GALNTL6: variants seen among roughly 807,000 people sequenced by gnomAD.
GALNTL6 encodes polypeptide N-acetylgalactosaminyltransferase-like 6.
Under a neutral mutation model 73.7 loss-of-function variants are expected in GALNTL6, and 46 were observed. The ratio of observed to expected loss-of-function variants is 0.62; its 90% CI spans 0.49 to 0.80. The LOEUF is 0.80. Ranked by LOEUF, GALNTL6 falls within the 30% of genes least tolerant of loss-of-function variation. The pLI is 0.00. For missense variants in GALNTL6, 604 were observed against 755.0 expected (o/e 0.80, Z 2.34); for synonymous variants, 259 against 263.7 (o/e 0.98, Z 0.17).
intron 2 of GALNTL6, among the ~76,000 whole-genome samples, chr4:172,125,605 T>G (rs1733270996): frequency 6.6e-6 from 1 of 152,154 alleles, no homozygotes; most frequent in Admixed American, 6.5e-5. Context: ...TTCACAAACC[T>G]TCCATCACTT....
intron 5 of GALNTL6, among the ~76,000 whole-genome samples, chr4:172,429,108 C>T (rs2111377477): frequency 6.6e-6 from 1 of 151,964 alleles, no homozygotes; most frequent in African/African-American, 2.4e-5. Context: ...TAATCCTATT[C>T]ATGAAGGCAT....
At chr4:172,999,925 T>A (rs2126474253) in intron 10 of GALNTL6, among the ~76,000 whole-genome samples, 1 of 152,204 alleles carries the variant, frequency 6.6e-6, no homozygotes, top group Non-Finnish European at 1.5e-5. Flanking sequence ...TAAAACAAGT[T>A]TTTGTTCTCA....
intron 5 of GALNTL6, among the ~76,000 whole-genome samples, chr4:172,438,448 T>C (rs1357090755): frequency 6.6e-6 from 1 of 152,082 alleles, no homozygotes; most frequent in Non-Finnish European, 1.5e-5. Flanking sequence ...CTAACATTTT[T>C]GCACAGCCCC....
chr4:172,854,183 A>G (rs1579568812), intron 7 of GALNTL6, among the ~76,000 whole-genome samples: 1 of 151,200 alleles, frequency 6.6e-6, no homozygotes, highest in South Asian at 2.1e-4. Flanking sequence ...CAAGAGGAAG[A>G]CTCCCCTCCT....
chr4:172,895,336 TTTTAC>T (rs1224899635), intron 8 of GALNTL6, among the ~76,000 whole-genome samples: 1 of 150,950 alleles, frequency 6.6e-6, no homozygotes, highest in African/African-American at 2.4e-5. Context: ...ATTTGTTGCT[TTTTAC>T]TTTAGTGTAT....
chr4:171,904,233 T>C (rs1737200181), intron 2 of GALNTL6, among the ~76,000 whole-genome samples: 1 of 152,002 alleles, frequency 6.6e-6, no homozygotes, highest in Admixed American at 6.5e-5. Context: ...GGCAAAGAAG[T>C]TGAAAACTTT....
intron 9 of GALNTL6, among the ~76,000 whole-genome samples, chr4:172,937,344 G>A (rs1748674257): frequency 1.3e-5 from 2 of 152,044 alleles, no homozygotes; most frequent in Non-Finnish European, 2.9e-5. Flanking sequence ...CACGGAGGTG[G>A]GGCTCACATG....
chr4:172,353,274 C>G (rs1331982428), intron 5 of GALNTL6, among the ~76,000 whole-genome samples: 2 of 152,090 alleles, frequency 1.3e-5, no homozygotes, highest in East Asian at 3.9e-4. Context: ...CCACTGCACT[C>G]TAGCCTGGGT....
chr4:172,999,362 G>A (rs761275546), intron 10 of GALNTL6, among the ~76,000 whole-genome samples: 3 of 151,932 alleles, frequency 2.0e-5, no homozygotes, highest in Admixed American at 1.3e-4. Flanking sequence ...ACACACACAC[G>A]AAAAACCTTC....
chr4:172,489,023 T>C (rs1733804624), intron 5 of GALNTL6, among the ~76,000 whole-genome samples: 1 of 152,188 alleles, frequency 6.6e-6, no homozygotes, highest in Non-Finnish European at 1.5e-5. Context: ...AATTTGAAAA[T>C]AAAATGTGAA....
chr4:172,035,817 C>G (rs1271338343), intron 2 of GALNTL6, among the ~76,000 whole-genome samples: 1 of 152,070 alleles, frequency 6.6e-6, no homozygotes, highest in East Asian at 1.9e-4. Flanking sequence ...TGACAGTTGT[C>G]AACTAGAGAA....
At chr4:173,014,057 G>C (rs1005572305) in intron 11 of GALNTL6, among the ~76,000 whole-genome samples, 5 of 145,290 alleles carry the variant, frequency 3.4e-5, no homozygotes, top group Admixed American at 6.9e-5. Context: ...AAAAAAAAAA[G>C]TGGCAAAAAT....
At chr4:172,964,787 G>T (rs779210310) in intron 10 of GALNTL6, among the ~76,000 whole-genome samples, 5 of 152,232 alleles carry the variant, frequency 3.3e-5, no homozygotes, top group African/African-American at 9.6e-5. Flanking sequence ...ATGCGATGTT[G>T]TCTCTTTCAA....
intron 11 of GALNTL6, among the ~76,000 whole-genome samples, chr4:173,018,572 G>C (rs1047635266): frequency 2.0e-5 from 3 of 152,172 alleles, no homozygotes; most frequent in Non-Finnish European, 4.4e-5. Flanking sequence ...AATAGGTAAG[G>C]GATGGAAAGG....
chr4:171,954,156 G>A (rs72696986), intron 2 of GALNTL6, among the ~76,000 whole-genome samples: 1,573 of 152,192 alleles, frequency 0.01, 9 homozygotes, highest in Non-Finnish European at 0.016. Context: ...TTTGTGAATG[G>A]CACTCTGTCA....
At chr4:172,220,779 A>G (rs184907043) in intron 2 of GALNTL6, among the ~76,000 whole-genome samples, 73 of 151,950 alleles carry the variant, frequency 4.8e-4, no homozygotes, top group African/African-American at 1.7e-3. Context: ...ATTTAAAATC[A>G]TCACTTCAGA....
At chr4:172,740,563 G>T (rs542543397) in intron 5 of GALNTL6, among the ~76,000 whole-genome samples, 1 of 152,134 alleles carries the variant, frequency 6.6e-6, no homozygotes, top group Non-Finnish European at 1.5e-5. Context: ...TCACCAAGAC[G>T]CATGCTTTCC....
chr4:172,579,209 G>C (rs1737072397), intron 5 of GALNTL6, among the ~76,000 whole-genome samples: 1 of 152,118 alleles, frequency 6.6e-6, no homozygotes, highest in Admixed American at 6.6e-5. Flanking sequence ...CCATTTACAG[G>C]AAACTAACAC....
At chr4:172,947,699 A>T (rs1346460917) in intron 9 of GALNTL6, among the ~76,000 whole-genome samples, 1 of 151,992 alleles carries the variant, frequency 6.6e-6, no homozygotes, top group Non-Finnish European at 1.5e-5. Context: ...ACAAGCTGTT[A>T]TTGGAATGTT....
Sources: allele counts gnomAD v4.1 joint callset (sites outside exome capture counted in the v4.1 genomes callset), GRCh38; gene constraint gnomAD v4.1.1; transcripts MANE v1.5; gene names NCBI Gene and HGNC (gene_info 2026-07-23, HGNC 2026-07-21).